Variants in VDAC3 observed in about 807,000 individuals in gnomAD.
VDAC3 encodes voltage dependent anion channel 3, also known as non-selective voltage-gated ion channel VDAC3.
Under a neutral mutation model 33.9 loss-of-function variants are expected in VDAC3, and 7 were observed. The observed-to-expected ratio is 0.21, with a 90% confidence interval of 0.12 to 0.39. The LOEUF (loss-of-function observed/expected upper bound fraction) is 0.39, where lower values mean the gene tolerates loss of function less well. VDAC3 is among the 10% of genes least tolerant of loss of function. The probability of loss-of-function intolerance (pLI) is 1.00; values close to 1 mark genes in which losing one functional copy is unlikely to be tolerated. For synonymous variants in VDAC3, 100 were observed against 122.4 expected (o/e 0.82, Z 1.21); for missense variants, 261 against 334.5 (o/e 0.78, Z 1.71).
At position 42,401,800 on chromosome 8, in the gene VDAC3, G is replaced by A. The variant is rs1802419085; in HGVS notation, c.336G>A (p.Gly112=). 3 of 1,613,976 alleles carry A rather than the reference G, an allele frequency of 1.9e-6. No individual in the cohort carries two copies. ...TTGTTTATTGCAGAAAGAAGAGTGG[G>A]AAATTGAAGGCCTCCTATAAACGGG... ...IFVPNTGKKS[G]KLKASYKRDC... The change falls in exon 7 of 10, where the codon GGG becomes GGA. Residue 112 remains glycine (G), a synonymous_variant. Coordinates refer to ENST00000022615, the MANE Select transcript of VDAC3 (RefSeq NM_005662.7).
At chr8:42,397,973 G>T (rs887136833) in intron 4 of VDAC3, among the ~76,000 whole-genome samples, 1 of 152,126 alleles carries the variant, frequency 6.6e-6, no homozygotes, top group Non-Finnish European at 1.5e-5. Flanking sequence ...ATTTTTAAAA[G>T]GAAGTAGTAA....
intron 8 of VDAC3, among the ~76,000 whole-genome samples, chr8:42,403,886 A>G (rs1191945976): frequency 6.6e-6 from 1 of 151,952 alleles, no homozygotes; most frequent in Non-Finnish European, 1.5e-5. Context: ...TCAAAAAAAA[A>G]AAAAAAAAAA....
chr8:42,401,981 T>A lies in VDAC3; in HGVS notation c.517T>A (p.Tyr173Asn). ...KLSQNNFALG[Y>N]KAADFQLHTH... ...GTCACAGAATAATTTCGCCCTGGGT[T>A]ACAAGGCTGCGGACTTCCAGCTGCA... is the stretch of plus-strand genomic sequence containing the variant. The change falls in exon 7 of 10, where the codon TAC (tyrosine) becomes AAC (asparagine). Residue 173 changes from tyrosine to asparagine, a missense_variant. Coordinates refer to ENST00000022615, the MANE Select transcript of VDAC3 (RefSeq NM_005662.7). 1 of 1,614,256 alleles carries A rather than the reference T, an allele frequency of 6.2e-7. No homozygotes were observed. The highest frequency in any genetic ancestry group is 1.1e-5 in the South Asian group (1 of 91,082).
chr8:42,394,441 A>C (rs929505864), intron 3 of VDAC3, among the ~76,000 whole-genome samples, 163 bp downstream of exon 3: 10 of 152,228 alleles, frequency 6.6e-5, no homozygotes, highest in African/African-American at 2.4e-4. Context: ...CATTCTTTAG[A>C]GGCAGAACCC....
At chr8:42,400,040 A>G (rs966600405) in intron 6 of VDAC3, among the ~76,000 whole-genome samples, 1 of 152,208 alleles carries the variant, frequency 6.6e-6, no homozygotes, top group African/African-American at 2.4e-5. Flanking sequence ...TTCTGCTGAG[A>G]AAGTTAATTC....
intron 1 of VDAC3, among the ~76,000 whole-genome samples, chr8:42,392,657 G>A (rs775915832): frequency 3.3e-5 from 5 of 152,182 alleles, no homozygotes; most frequent in Non-Finnish European, 4.4e-5. Flanking sequence ...ATAGTATCTC[G>A]TACTGGTTTT....
chr8:42,402,065 T>A (rs535829110), intron 7 of VDAC3, 50 bp downstream of exon 7: 2 of 1,555,418 alleles, frequency 1.3e-6, no homozygotes, highest in South Asian at 2.3e-5. Flanking sequence ...GCCCAAAATA[T>A]TGTAGCCATT....
intron 7 of VDAC3, 144 bp from the exon 8 acceptor site, chr8:42,403,167 A>G: frequency 1.2e-6 from 1 of 839,118 alleles, no homozygotes; most frequent in South Asian, 1.8e-5. Flanking sequence ...TGTTTTGTTT[A>G]GTAGTCATTT....
At chr8:42,392,284 C>G (rs1189203109) in intron 1 of VDAC3, among the ~76,000 whole-genome samples, 1 of 152,210 alleles carries the variant, frequency 6.6e-6, no homozygotes, top group East Asian at 1.9e-4. Flanking sequence ...TCCTTACGGC[C>G]GAGGGAGGGT....
chr8:42,399,744 C>T (rs1488982343), intron 6 of VDAC3, 41 bp downstream of exon 6: 7 of 1,579,220 alleles, frequency 4.4e-6, no homozygotes, highest in Non-Finnish European at 6.1e-6. Flanking sequence ...TTTTTGGAGC[C>T]TGAAAGGGTA....
In VDAC3 at chr8:42,405,562, G is replaced by A. The variant is rs532581287; in HGVS notation, c.*100G>A. ...TTCTTCTGTGAAATTTCAAAAGTGTGAACTTTTTATTCTTCCAAAGAATTG... is the reference window on the plus strand; with the variant it reads ...TTCTTCTGTGAAATTTCAAAAGTGTAAACTTTTTATTCTTCCAAAGAATTG... On this transcript the variant is annotated 3_prime_UTR_variant, in exon 10 of 10. Coordinates refer to ENST00000022615, the MANE Select transcript of VDAC3 (RefSeq NM_005662.7). 1.5e-5 allele frequency: 15 copies of A among 1,028,272 alleles called. No individual in the cohort carries two copies. In the African/African-American group the frequency reaches 2.4e-4, roughly 17 times the overall value. 63.7% of individuals were successfully genotyped at this position (1,028,272 alleles called of 1,614,324 possible). A position where few individuals can be genotyped will look rare whatever the true frequency, so the allele number is the denominator to read the frequency against.
Position 42,405,496 on chromosome 8 carries a change from G to A in VDAC3, c.*34G>A, listed in dbSNP as rs1563424186. On this transcript the variant is annotated 3_prime_UTR_variant, in exon 10 of 10. Transcript: ENST00000022615. The stretch of plus-strand genomic sequence containing the variant: ...GAGGAAAGCATCAGATTTGTCCCTG[G>A]AAGTGAAGAGAAATGAACCCACTAT... 1 of 1,567,254 alleles carries A rather than the reference G, an allele frequency of 6.4e-7. No homozygotes were observed. The highest frequency in any genetic ancestry group is 8.8e-7 in the Non-Finnish European group (1 of 1,142,158).
At chr8:42,403,518 G>A in intron 8 of VDAC3, 57 bp downstream of exon 8, 1 of 1,482,662 alleles carries the variant, frequency 6.7e-7, no homozygotes, top group Non-Finnish European at 9.0e-7. Context: ...AGTTTTCAGA[G>A]AATGTTGTGA....
At chr8:42,393,585 T>C (rs751510058) in intron 1 of VDAC3, among the ~76,000 whole-genome samples, 4 of 152,240 alleles carry the variant, frequency 2.6e-5, no homozygotes, top group Non-Finnish European at 5.9e-5. Context: ...TTTTGAAGGC[T>C]TTAACTTCAG....
At chr8:42,393,151 AAACTT>A (rs1240557691) in intron 1 of VDAC3, among the ~76,000 whole-genome samples, 5 of 152,208 alleles carry the variant, frequency 3.3e-5, no homozygotes, top group Non-Finnish European at 7.3e-5. Flanking sequence ...TTAAGGAACA[AAACTT>A]AAATGCATTC....
At chr8:42,399,154 T>C in intron 5 of VDAC3, among the ~76,000 whole-genome samples, 1 of 152,278 alleles carries the variant, frequency 6.6e-6, no homozygotes, top group East Asian at 1.9e-4. Flanking sequence ...TTTGTAATTG[T>C]TGAAAAATTG....
At chr8:42,400,126 C>T (rs1388408380) in intron 6 of VDAC3, among the ~76,000 whole-genome samples, 2 of 151,906 alleles carry the variant, frequency 1.3e-5, no homozygotes, top group African/African-American at 4.8e-5. Flanking sequence ...TCATGAGGTC[C>T]GGAGATGGAA....
At chr8:42,392,195 G>A (rs1450116211) in intron 1 of VDAC3, among the ~76,000 whole-genome samples, 1 of 152,210 alleles carries the variant, frequency 6.6e-6, no homozygotes, top group East Asian at 1.9e-4. Context: ...TCCTCCCAGG[G>A]GTCAGCTAGA....
intron 1 of VDAC3, among the ~76,000 whole-genome samples, chr8:42,393,549 A>G (rs1200976815): frequency 1.3e-5 from 2 of 152,236 alleles, no homozygotes; most frequent in Non-Finnish European, 2.9e-5. Flanking sequence ...TTAGTAGGCA[A>G]GATGAAAAAT....
Sources: allele counts gnomAD v4.1 joint callset (sites outside exome capture counted in the v4.1 genomes callset), GRCh38; gene constraint gnomAD v4.1.1; transcripts MANE v1.5; gene names NCBI Gene and HGNC (gene_info 2026-07-23, HGNC 2026-07-21).